CDK5RAP3: variants seen among roughly 807,000 people sequenced by gnomAD.
CDK5RAP3 encodes CDK5 regulatory subunit associated protein 3.
In CDK5RAP3, 58 loss-of-function variants were observed where a neutral mutation model predicts 73.3. The observed-to-expected ratio is 0.79, with a 90% CI of 0.64 to 0.98. The LOEUF is 0.98. Ranked by LOEUF, CDK5RAP3 falls within the 50% of genes least tolerant of loss-of-function variation. The probability of loss-of-function intolerance (pLI) is 0.00; values close to 1 mark genes in which losing one functional copy is unlikely to be tolerated. For missense variants in CDK5RAP3, 525 were observed against 615.8 expected (o/e 0.85, Z 1.56); for synonymous variants, 224 against 247.5 (o/e 0.91, Z 0.89).
intron 9 of CDK5RAP3, among the ~76,000 whole-genome samples, chr17:47,977,443 C>T (rs573443793): frequency 5.3e-5 from 8 of 152,246 alleles, no homozygotes; most frequent in Non-Finnish European, 7.4e-5. Context: ...CCACCGCGCC[C>T]GGCTAATTTT....
Position 47,975,524 on chromosome 17 carries a change from T to C in CDK5RAP3, c.524T>C (p.Val175Ala). ...TTCTCCCCTCTCTAGGGCGAAAATGTCCGAGGAGAACTGCTGGCCCTGGTG... is the reference window on the plus strand; with the variant it reads ...TTCTCCCCTCTCTAGGGCGAAAATGCCCGAGGAGAACTGCTGGCCCTGGTG... ...CKQYGITGEN[V>A]RGELLALVKD... The change falls in exon 7 of 14, where the codon GTC becomes GCC. Residue 175 changes from valine to alanine, a missense_variant. Val to Ala is a moderately conservative substitution (Grantham distance 64). Coordinates refer to ENST00000338399, the MANE Select transcript of CDK5RAP3 (RefSeq NM_176096.3). 1 of 1,611,142 alleles carries C rather than the reference T, an allele frequency of 6.2e-7. No homozygotes were observed. Among genetic ancestry groups the C allele is most frequent in the Non-Finnish European group, 8.5e-7 (1 of 1,180,008 alleles).
intron 10 of CDK5RAP3, 158 bp downstream of exon 10, chr17:47,978,068 G>A: frequency 2.6e-6 from 1 of 377,596 alleles, no homozygotes. Flanking sequence ...GACCAAGAGA[G>A]GTTTTTTTTT....
At chr17:47,973,884 G>A (rs1181087299) in intron 3 of CDK5RAP3, 47 bp from the exon 4 acceptor site, 3 of 1,458,974 alleles carry the variant, frequency 2.1e-6, no homozygotes, top group East Asian at 2.3e-5. Context: ...CCCAGAGTAG[G>A]TGAAGAAGAT....
chr17:47,975,618 C>T lies in CDK5RAP3; in HGVS notation c.618C>T (p.Asp206=), dbSNP rs200176581. The T allele has an allele frequency of 1.0e-4, 160 of 1,606,352 alleles. No individual in the cohort carries two copies. The highest frequency in any genetic ancestry group is 1.3e-4 in the Non-Finnish European group (153 of 1,179,778). Residue 206 remains aspartate (D), a synonymous_variant, in exon 7 of 14, where the codon GAC becomes GAT. Coordinates refer to ENST00000338399, the MANE Select transcript of CDK5RAP3 (RefSeq NM_176096.3). ...AGCAGTCCCTGGGGGAAGCCATTGA[C>T]GTGTACCAGGCGTCTGTGGGGTTTG... is the stretch of plus-strand genomic sequence containing the variant. ...AAQQSLGEAI[D]VYQASVGFVC... is the part of the protein sequence containing the mutation.
At chr17:47,971,336 C>G (rs1433602354) in intron 1 of CDK5RAP3, 26 bp from the exon 2 acceptor site, 1 of 1,606,970 alleles carries the variant, frequency 6.2e-7, no homozygotes. Flanking sequence ...CGCTCACGCC[C>G]CCCTCCTCAC....
chr17:47,981,171 A>AC lies in CDK5RAP3; in HGVS notation c.1294dup (p.Arg432ProfsTer4), dbSNP rs1173416718. On this transcript the variant is annotated frameshift_variant, in exon 13 of 14. Coordinates refer to ENST00000338399, the MANE Select transcript of CDK5RAP3 (RefSeq NM_176096.3). LOFTEE classifies it high-confidence loss of function. ...CTGAGTGCCCCGCACAGGTATGTGG[A>AC]CCGAGTGACTGAATTCCTCCAGCAA... The AC allele has an allele frequency of 6.2e-7, 1 of 1,614,074 alleles. No homozygotes were observed. The highest frequency in any genetic ancestry group is 1.7e-5 in the Admixed American group (1 of 60,030).
At chr17:47,972,046 A>G (rs1485478058) in intron 2 of CDK5RAP3, among the ~76,000 whole-genome samples, 2 of 151,610 alleles carry the variant, frequency 1.3e-5, no homozygotes, top group Non-Finnish European at 2.9e-5. Context: ...CTGAATTGGA[A>G]CTTAAGTCTG....
upstream of CDK5RAP3, among the ~76,000 whole-genome samples, chr17:47,969,366 C>T (rs1229487664): frequency 6.6e-6 from 1 of 151,792 alleles, no homozygotes; most frequent in Non-Finnish European, 1.5e-5. Context: ...ACCATCCTGG[C>T]TAACACGGTG....
chr17:47,979,035 C>A, intron 11 of CDK5RAP3, 118 bp downstream of exon 11: 1 of 753,682 alleles, frequency 1.3e-6, no homozygotes, highest in Non-Finnish European at 2.4e-6. Flanking sequence ...CTATTTGTGT[C>A]CTACAGCAGG....
At chr17:47,972,902 G>T (rs2036303140) in intron 2 of CDK5RAP3, among the ~76,000 whole-genome samples, 1 of 152,184 alleles carries the variant, frequency 6.6e-6, no homozygotes, top group Non-Finnish European at 1.5e-5. Context: ...TGACCACAAA[G>T]CTCAGCTCTT....
intron 2 of CDK5RAP3, among the ~76,000 whole-genome samples, chr17:47,972,328 A>G (rs1490155768): frequency 2.0e-5 from 3 of 152,164 alleles, no homozygotes; most frequent in Non-Finnish European, 4.4e-5. Context: ...TTTGATGCCA[A>G]TCTTGTCCTT....
rs539745847 is a variant in CDK5RAP3, at chr17:47,981,657, C to T, written c.*155C>T. 1.5e-5 allele frequency: 23 copies of T among 1,544,088 alleles called. No homozygotes were observed. The highest frequency in any genetic ancestry group is 1.9e-5 in the Non-Finnish European group (22 of 1,149,332). ...GCGGCACCTGATGGTGATCTTGGCA[C>T]TCTCCATGTTCTCTACAAGAAGCTG... On this transcript the variant is annotated 3_prime_UTR_variant, in exon 14 of 14. Coordinates refer to ENST00000338399, the MANE Select transcript of CDK5RAP3 (RefSeq NM_176096.3).
chr17:47,975,907 A>G lies in CDK5RAP3; in HGVS notation c.692A>G (p.Gln231Arg). ...GTGTTGCCAATGCTGCGGTTCGTGC[A>G]GAAGCGGGGAAACTCAACGGTGTAC... ...EQVLPMLRFV[Q>R]KRGNSTVYEW... Residue 231 changes from glutamine (Q) to arginine (R), a missense_variant, in exon 8 of 14, where the codon CAG becomes CGG. Physicochemically the swap from Gln to Arg is conservative, Grantham distance 43. Coordinates refer to ENST00000338399, the MANE Select transcript of CDK5RAP3 (RefSeq NM_176096.3). The G allele has an allele frequency of 6.2e-7, 1 of 1,614,224 alleles. No homozygotes were observed.
rs771472549 is a variant in CDK5RAP3 at position 47,975,202 on chromosome 17, C to G, written c.378C>G (p.Ile126Met). ...TGGTTCGGAATGTCAACTATGAGATCCCCTCACTGAAGAAGCAGATTGCCA... is the reference window on the plus strand; with the variant it reads ...TGGTTCGGAATGTCAACTATGAGATGCCCTCACTGAAGAAGCAGATTGCCA... Reference protein sequence around the residue: ...SLLVRNVNYEIPSLKKQIAKC... With the variant: ...SLLVRNVNYEMPSLKKQIAKC... The change falls in exon 6 of 14, where the codon ATC becomes ATG. Residue 126 changes from isoleucine (I) to methionine (M), a missense_variant. Transcript: ENST00000338399. The G allele has an allele frequency of 1.2e-6, 2 of 1,614,170 alleles. No individual in the cohort carries two copies. The highest frequency in any genetic ancestry group is 1.7e-6 in the Non-Finnish European group (2 of 1,180,032).
In CDK5RAP3 at chr17:47,975,193, C is replaced by A; in HGVS notation, c.369C>A (p.Asn123Lys). ...ELSSLLVRNV[N>K]YEIPSLKKQI... is the part of the protein sequence containing the mutation. The stretch of plus-strand genomic sequence containing the variant: ...CTAGCCTCCTGGTTCGGAATGTCAA[C>A]TATGAGATCCCCTCACTGAAGAAGC... Residue 123 changes from asparagine to lysine, a missense_variant, in exon 6 of 14, where the codon AAC becomes AAA. This residue lies in a region of CDK5RAP3 where 409 missense variants were observed against 429.8 expected (regional missense o/e 0.95). Transcript: ENST00000338399. 1 of 1,614,178 alleles carries A rather than the reference C, an allele frequency of 6.2e-7. No individual in the cohort carries two copies. The highest frequency in any genetic ancestry group is 1.7e-5 in the Admixed American group (1 of 60,020).
intron 12 of CDK5RAP3, 24 bp downstream of exon 12, chr17:47,980,822 G>C (rs200285695): frequency 6.7e-5 from 108 of 1,609,532 alleles, no homozygotes; most frequent in Non-Finnish European, 8.5e-5. Context: ...TTGATGCAAG[G>C]CTCTGCCATC....
intron 11 of CDK5RAP3, chr17:47,980,343 A>G (rs1304849861): frequency 4.0e-6 from 2 of 498,138 alleles, no homozygotes; most frequent in East Asian, 3.8e-5. Flanking sequence ...ATCATAGCTC[A>G]CTATAACCTC....
At chr17:47,979,139 T>C in intron 11 of CDK5RAP3, 2 of 528,940 alleles carry the variant, frequency 3.8e-6, no homozygotes, top group South Asian at 5.1e-5. Context: ...ACTTGGGTGG[T>C]GAATAAGACA....
rs2036543075 is a variant in CDK5RAP3, at chr17:47,981,146, C to T, written c.1284-17C>T. ...GATGCACAGCTAACCCAGCACTCAC[C>T]TGAGTGCCCCGCACAGGTATGTGGA... On this transcript the variant is annotated splice_polypyrimidine_tract_variant and intron_variant, in intron 12 of 13. Transcript: ENST00000338399. 6.2e-7 allele frequency: 1 copy of T among 1,607,172 alleles called. No individual in the cohort carries two copies. Among genetic ancestry groups the T allele is most frequent in the East Asian group, 2.2e-5 (1 of 44,702 alleles).
Sources: allele counts gnomAD v4.1 joint callset (sites outside exome capture counted in the v4.1 genomes callset), GRCh38; gene constraint gnomAD v4.1.1; regional missense constraint gnomAD v4.1.1; transcripts MANE v1.5; gene names NCBI Gene and HGNC (gene_info 2026-07-23, HGNC 2026-07-21).